TICAM2: variants seen among roughly 807,000 people sequenced by gnomAD.
The protein encoded by TICAM2 is TIR domain-containing adapter molecule 2.
Under a neutral mutation model 7.3 loss-of-function variants are expected in TICAM2, and 8 were observed. The observed-to-expected ratio is 1.10, with a 90% CI of 0.65 to 1.99. The LOEUF (loss-of-function observed/expected upper bound fraction) is 1.99, where lower values mean the gene tolerates loss of function less well. TICAM2 is among the 30% of genes most tolerant of loss of function. The probability of loss-of-function intolerance (pLI) is 0.00; values close to 1 mark genes in which losing one functional copy is unlikely to be tolerated. For synonymous variants in TICAM2, 113 were observed against 99.6 expected (o/e 1.13, Z -0.80); for missense variants, 304 against 278.8 (o/e 1.09, Z -0.65).
intron 1 of TICAM2, among the ~76,000 whole-genome samples, chr5:115,584,480 G>C (rs926825168): frequency 1.3e-5 from 2 of 152,144 alleles, no homozygotes; most frequent in African/African-American, 4.8e-5. Context: ...TGCTGCAATG[G>C]ATAATTCTGT....
chr5:115,578,930 G>T lies in TICAM2; in HGVS notation c.*1619C>A, dbSNP rs1754817012. 6.6e-6 allele frequency: 1 copy of T among 152,596 alleles called. No homozygotes were observed. The highest frequency in any genetic ancestry group is 1.5e-5 in the Non-Finnish European group (1 of 68,034). 9.5% of individuals were successfully genotyped at this position (152,596 alleles called of 1,614,324 possible). On this transcript the variant is annotated 3_prime_UTR_variant, in exon 2 of 2. Transcript: ENST00000427199. ...AATAGGAGGCTTGACTTACTTGCAT[G>T]CTCCTCATAGAACGTTTTGGTTCAT...
At chr5:115,589,179 T>A in intron 1 of TICAM2, among the ~76,000 whole-genome samples, 1 of 152,208 alleles carries the variant, frequency 6.6e-6, no homozygotes, top group East Asian at 1.9e-4. Flanking sequence ...AGTTGAGTAT[T>A]GCAACAGAAA....
At chr5:115,596,787 C>T (rs1383152630) in intron 1 of TICAM2, among the ~76,000 whole-genome samples, 4 of 152,064 alleles carry the variant, frequency 2.6e-5, no homozygotes, top group Non-Finnish European at 4.4e-5. Flanking sequence ...GGCGTGGTGG[C>T]GGGTGCCTGT....
chr5:115,596,908 G>A (rs1314583782), intron 1 of TICAM2, among the ~76,000 whole-genome samples: 6 of 152,140 alleles, frequency 3.9e-5, no homozygotes, highest in African/African-American at 7.2e-5. Flanking sequence ...GAGACAGTGA[G>A]ACTCCGTCTC....
chr5:115,599,282 G>C (rs545532416), intron 1 of TICAM2, among the ~76,000 whole-genome samples: 20 of 152,080 alleles, frequency 1.3e-4, no homozygotes, highest in African/African-American at 4.6e-4. Flanking sequence ...CCTATTGGTG[G>C]GGGGAGGGGG....
chr5:115,597,382 T>A (rs1005825954), intron 1 of TICAM2, among the ~76,000 whole-genome samples: 11 of 152,186 alleles, frequency 7.2e-5, no homozygotes, highest in African/African-American at 2.7e-4. Flanking sequence ...TCTTGTACAA[T>A]CATAAGCTAG....
At chr5:115,597,368 G>T (rs757801648) in intron 1 of TICAM2, among the ~76,000 whole-genome samples, 1 of 152,132 alleles carries the variant, frequency 6.6e-6, no homozygotes, top group Non-Finnish European at 1.5e-5. Flanking sequence ...ATTATCATAA[G>T]AGATCTTGTA....
At chr5:115,589,816 C>CTA (rs1554092801) in intron 1 of TICAM2, among the ~76,000 whole-genome samples, 1 of 152,238 alleles carries the variant, frequency 6.6e-6, no homozygotes, top group Non-Finnish European at 1.5e-5. Flanking sequence ...TTATTCATCA[C>CTA]TATATCCCCA....
chr5:115,601,111 GGAGT>G (rs1468865983), intron 1 of TICAM2, among the ~76,000 whole-genome samples: 2 of 152,174 alleles, frequency 1.3e-5, no homozygotes, highest in East Asian at 3.9e-4. Flanking sequence ...GATATAAAGT[GGAGT>G]TGCTTAACTC....
chr5:115,582,358 G>C (rs1187699556), intron 1 of TICAM2, among the ~76,000 whole-genome samples: 1 of 138,154 alleles, frequency 7.2e-6, no homozygotes, highest in African/African-American at 2.7e-5. Context: ...TTTTTTGGTA[G>C]AGATGGGGTT....
intron 1 of TICAM2, among the ~76,000 whole-genome samples, chr5:115,597,583 G>C (rs1393336390): frequency 1.3e-5 from 2 of 152,108 alleles, no homozygotes; most frequent in African/African-American, 4.8e-5. Flanking sequence ...TAAAGAAAAG[G>C]AACTGACTGT....
chr5:115,585,122 CTTTTA>C (rs1755057022), intron 1 of TICAM2, among the ~76,000 whole-genome samples: 1 of 152,190 alleles, frequency 6.6e-6, no homozygotes, highest in African/African-American at 2.4e-5. Context: ...TATATTTGTG[CTTTTA>C]TTTCATTATC....
At chr5:115,588,263 T>C (rs1755182891) in intron 1 of TICAM2, among the ~76,000 whole-genome samples, 1 of 152,218 alleles carries the variant, frequency 6.6e-6, no homozygotes, top group South Asian at 2.1e-4. Context: ...CTTATCCTCT[T>C]GGGCACTGGG....
chr5:115,592,285 C>A (rs1755337231), intron 1 of TICAM2, among the ~76,000 whole-genome samples: 1 of 152,132 alleles, frequency 6.6e-6, no homozygotes, highest in Non-Finnish European at 1.5e-5. Flanking sequence ...ACGAAATAAA[C>A]ACATTCCAAG....
chr5:115,602,047 C>G (rs1442902623), intron 1 of TICAM2, 50 bp downstream of exon 1: 1 of 151,156 alleles, frequency 6.6e-6, no homozygotes, highest in Admixed American at 6.6e-5. Context: ...CTGGCCCCAG[C>G]CCACCCCGCG....
At chr5:115,586,408 TAG>T (rs1452700666) in intron 1 of TICAM2, among the ~76,000 whole-genome samples, 1 of 119,648 alleles carries the variant, frequency 8.4e-6, no homozygotes. Flanking sequence ...TTAATTAAGG[TAG>T]AGTGTTGGAA....
chr5:115,585,322 C>T (rs866351815), intron 1 of TICAM2, among the ~76,000 whole-genome samples: 17 of 152,270 alleles, frequency 1.1e-4, no homozygotes, highest in African/African-American at 3.1e-4. Flanking sequence ...CTAGTCAAAG[C>T]GTAGTCCATG....
chr5:115,588,599 A>G (rs111432653), intron 1 of TICAM2, among the ~76,000 whole-genome samples: 47 of 152,346 alleles, frequency 3.1e-4, no homozygotes, highest in African/African-American at 1.1e-3. Flanking sequence ...AGAATTGTTC[A>G]TCGAAAACTT....
intron 1 of TICAM2, among the ~76,000 whole-genome samples, chr5:115,594,165 T>A (rs968929251): frequency 2.6e-5 from 4 of 152,228 alleles, no homozygotes; most frequent in African/African-American, 9.6e-5. Flanking sequence ...ATGACCTTTG[T>A]AACATTATCT....
Sources: gnomAD v4.1 joint callset for allele counts (sites outside exome capture counted in the v4.1 genomes callset) on GRCh38, gnomAD v4.1.1 for gene constraint, MANE v1.5 for transcripts, NCBI Gene and HGNC (gene_info 2026-07-23, HGNC 2026-07-21) for gene names.